Variants in SIN3A observed in about 807,000 individuals in gnomAD.
SIN3A encodes the protein SIN3 transcription regulator family member A.
SIN3A carries 14 observed loss-of-function variants against 146.1 expected under a neutral mutation model. The ratio of observed to expected loss-of-function variants is 0.10; its 90% CI spans 0.06 to 0.15. The LOEUF is 0.15. SIN3A is among the 10% of genes least tolerant of loss of function. The pLI is 1.00. For missense variants in SIN3A, 1,028 were observed against 1,576.0 expected, an observed-to-expected ratio of 0.65 and a Z score of 5.89; for synonymous variants, 572 against 572.0, an observed-to-expected ratio of 1.00 and a Z score of 0.00.
chr15:75,399,448 A>G (rs2073369527), intron 12 of SIN3A, among the ~76,000 whole-genome samples: 1 of 152,130 alleles, frequency 6.6e-6, no homozygotes, highest in Non-Finnish European at 1.5e-5. Context: ...GAATGGCATG[A>G]ACCTGGGAGG....
At chr15:75,415,447 G>T in intron 3 of SIN3A, 1 of 189,262 alleles carries the variant, frequency 5.3e-6, no homozygotes, top group South Asian at 1.3e-4. Flanking sequence ...ACACCCAAGA[G>T]AAAGCCTGAA....
At chr15:75,400,325 T>C (rs766648487) in intron 11 of SIN3A, among the ~76,000 whole-genome samples, 169 bp from the exon 12 acceptor site, 3 of 152,212 alleles carry the variant, frequency 2.0e-5, no homozygotes, top group Non-Finnish European at 2.9e-5. Flanking sequence ...AAAAGGGTGC[T>C]GAATATAAGC....
At chr15:75,395,356 A>G in intron 13 of SIN3A, among the ~76,000 whole-genome samples, 1 of 152,138 alleles carries the variant, frequency 6.6e-6, no homozygotes, top group East Asian at 1.9e-4. Context: ...CTGAAGAATA[A>G]CCTGTATCTC....
intron 16 of SIN3A, among the ~76,000 whole-genome samples, chr15:75,386,657 C>A (rs968978264): frequency 6.6e-6 from 1 of 152,180 alleles, no homozygotes; most frequent in Admixed American, 6.5e-5. Flanking sequence ...CAGAGCAAAG[C>A]ACAAGCATGG....
intron 1 of SIN3A, among the ~76,000 whole-genome samples, chr15:75,444,884 T>C (rs1386433044): frequency 6.6e-6 from 1 of 152,226 alleles, no homozygotes; most frequent in Non-Finnish European, 1.5e-5. Context: ...TGTATTATTT[T>C]TGCAACTCTC....
intron 1 of SIN3A, among the ~76,000 whole-genome samples, chr15:75,440,643 T>C (rs1442359643): frequency 6.6e-6 from 1 of 152,124 alleles, no homozygotes; most frequent in South Asian, 2.1e-4. Context: ...TCAAATGTCA[T>C]GCATGAACTT....
intron 2 of SIN3A, among the ~76,000 whole-genome samples, chr15:75,427,129 T>C (rs2073938291): frequency 6.6e-6 from 1 of 151,864 alleles, no homozygotes; most frequent in Non-Finnish European, 1.5e-5. Flanking sequence ...TCCCAGCACT[T>C]TGGGAGGTCA....
At position 75,376,677 on chromosome 15, in the gene SIN3A, C is replaced by CA. The variant is rs1362974118; in HGVS notation, c.3384-806dup. ...TTTGAGACTAGCCTGGGCAACATGG[C>CA]AAAAACCCCTTCTCTACAAAAAAAA... On this transcript the variant is annotated intron_variant, in intron 19 of 20. Transcript: ENST00000394947. Among the ~76,000 whole-genome samples, 11 of 139,474 alleles carry CA rather than the reference C, an allele frequency of 7.9e-5. No individual in the cohort carries two copies. The East Asian group carries it at 2.3e-3, about 29-fold the overall frequency. 91.5% of individuals were successfully genotyped at this position (139,474 alleles called of 152,430 possible). A position where few individuals can be genotyped will look rare whatever the true frequency, so the allele number is the denominator to read the frequency against.
upstream of SIN3A, among the ~76,000 whole-genome samples, chr15:75,451,989 T>A (rs2074419456): frequency 6.6e-6 from 1 of 152,002 alleles, no homozygotes; most frequent in South Asian, 2.1e-4. Context: ...TCCTGTCTCA[T>A]TGGAGGACAC....
chr15:75,450,875 C>T (rs903017464), intron 1 of SIN3A, among the ~76,000 whole-genome samples: 6 of 151,934 alleles, frequency 3.9e-5, no homozygotes, highest in Non-Finnish European at 7.4e-5. Context: ...GGGGCCTGGG[C>T]GGGGTGCAGG....
intron 2 of SIN3A, among the ~76,000 whole-genome samples, chr15:75,424,936 T>C (rs1342792069): frequency 6.6e-6 from 1 of 152,176 alleles, no homozygotes; most frequent in Non-Finnish European, 1.5e-5. Flanking sequence ...TGGATATATT[T>C]GAATCTGAAA....
chr15:75,392,013 C>A (rs1468685997), intron 15 of SIN3A, among the ~76,000 whole-genome samples: 1 of 152,156 alleles, frequency 6.6e-6, no homozygotes, highest in African/African-American at 2.4e-5. Flanking sequence ...TCCACAGTAC[C>A]AACCACTGAC....
At chr15:75,394,329 G>A (rs1235217297) in intron 14 of SIN3A, among the ~76,000 whole-genome samples, 1 of 152,138 alleles carries the variant, frequency 6.6e-6, no homozygotes, top group Non-Finnish European at 1.5e-5. Flanking sequence ...AGAGTTTGGT[G>A]GTCAATGACA....
intron 1 of SIN3A, among the ~76,000 whole-genome samples, chr15:75,444,300 G>A (rs930580395): frequency 6.6e-6 from 1 of 152,236 alleles, no homozygotes; most frequent in East Asian, 1.9e-4. Context: ...AATTAGCTGG[G>A]TATGGTGGTA....
intron 7 of SIN3A, 25 bp from the exon 8 acceptor site, chr15:75,410,016 T>A (rs766854204): frequency 5.6e-6 from 9 of 1,612,438 alleles, no homozygotes; most frequent in Non-Finnish European, 7.6e-6. Context: ...TGAATGAGAT[T>A]AATGCTCTTA....
chr15:75,424,041 G>C (rs1210369396), intron 2 of SIN3A, among the ~76,000 whole-genome samples: 1 of 152,062 alleles, frequency 6.6e-6, no homozygotes, highest in Non-Finnish European at 1.5e-5. Flanking sequence ...ACTGTCTGTG[G>C]TAAAGGATGA....
chr15:75,445,636 G>A lies in SIN3A; in HGVS notation c.-34+5787C>T, dbSNP rs968523150. Reference sequence around the variant, plus strand: ...CGCATGCCTGTAATCCCAGCTGCTCGGGAGGCTGAGGCAGGAGAATCACTT... The same window carrying A: ...CGCATGCCTGTAATCCCAGCTGCTCAGGAGGCTGAGGCAGGAGAATCACTT... On this transcript the variant is annotated intron_variant, in intron 1 of 20. Coordinates refer to ENST00000394947, the MANE Select transcript of SIN3A (RefSeq NM_001145358.2). Among the ~76,000 whole-genome samples the A allele has an allele frequency of 7.3e-5, 11 of 151,552 alleles. No individual in the cohort carries two copies. In the South Asian group the frequency reaches 1.9e-3, roughly 26 times the overall value.
At chr15:75,389,543 G>A (rs573925744) in intron 16 of SIN3A, 109 bp downstream of exon 16, 25 of 1,042,316 alleles carry the variant, frequency 2.4e-5, no homozygotes, top group African/African-American at 1.1e-4. Flanking sequence ...AGAACCCTAC[G>A]TTCATAAACA....
chr15:75,395,433 G>C (rs2141435668), intron 13 of SIN3A, among the ~76,000 whole-genome samples: 1 of 152,280 alleles, frequency 6.6e-6, no homozygotes, highest in East Asian at 1.9e-4. Flanking sequence ...CTCTTGAGGG[G>C]AAGATGAGGG....
Sources: allele counts gnomAD v4.1 joint callset (sites outside exome capture counted in the v4.1 genomes callset), GRCh38; gene constraint gnomAD v4.1.1; transcripts MANE v1.5; gene names NCBI Gene and HGNC (gene_info 2026-07-23, HGNC 2026-07-21).